SAXO1: variants seen among roughly 807,000 people sequenced by gnomAD.
SAXO1 encodes stabilizer of axonemal microtubules 1.
Under a neutral mutation model 17.5 loss-of-function variants are expected in SAXO1, and 21 were observed. The observed-to-expected ratio is 1.20, with a 90% confidence interval of 0.85 to 1.72. The LOEUF is 1.72. SAXO1 is among the 40% of genes most tolerant of loss of function. SAXO1 has a pLI of 0.00. For synonymous variants in SAXO1, 274 were observed against 216.5 expected (o/e 1.27, Z -2.33); for missense variants, 843 against 596.0 (o/e 1.41, Z -4.32).
intron 1 of SAXO1, among the ~76,000 whole-genome samples, chr9:18,962,958 C>A (rs1832549331): frequency 1.3e-5 from 2 of 152,122 alleles, no homozygotes; most frequent in South Asian, 4.1e-4. Context: ...TTTAATCCAT[C>A]TTGAGTTAAT....
intron 2 of SAXO1, among the ~76,000 whole-genome samples, chr9:18,944,072 A>G (rs7031911): frequency 0.058 from 8,770 of 152,206 alleles, 341 homozygotes; most frequent in African/African-American, 0.11. Flanking sequence ...CAGTTCACAG[A>G]CTATTCTGAA....
At chr9:18,979,726 A>C (rs920378860) in intron 1 of SAXO1, among the ~76,000 whole-genome samples, 1 of 152,248 alleles carries the variant, frequency 6.6e-6, no homozygotes, top group Admixed American at 6.5e-5. Flanking sequence ...CTATAATCCC[A>C]TCTACTAGGG....
intron 1 of SAXO1, among the ~76,000 whole-genome samples, chr9:19,017,698 T>A (rs1835043154): frequency 6.6e-6 from 1 of 152,252 alleles, no homozygotes. Context: ...GAATCCTGAA[T>A]AATATAACCA....
At chr9:18,954,102 G>T (rs531611878) in intron 1 of SAXO1, among the ~76,000 whole-genome samples, 2 of 152,060 alleles carry the variant, frequency 1.3e-5, no homozygotes, top group South Asian at 4.1e-4. Flanking sequence ...TCCATAGGCC[G>T]GGAAGGAAAA....
intron 3 of SAXO1, among the ~76,000 whole-genome samples, chr9:18,931,608 A>T (rs888684315): frequency 6.6e-6 from 1 of 152,244 alleles, no homozygotes; most frequent in African/African-American, 2.4e-5. Context: ...CAAAGTGGAG[A>T]AGTAGATGTG....
chr9:18,934,294 G>T (rs1023983293), intron 3 of SAXO1, among the ~76,000 whole-genome samples: 1 of 147,918 alleles, frequency 6.8e-6, no homozygotes, highest in African/African-American at 2.6e-5. Flanking sequence ...TCTCCTTTTG[G>T]GGCCATGATT....
chr9:19,025,908 T>C (rs1019688074), intron 1 of SAXO1, among the ~76,000 whole-genome samples: 6 of 152,270 alleles, frequency 3.9e-5, no homozygotes, highest in Admixed American at 3.9e-4. Flanking sequence ...GATACTATTT[T>C]CTCAGTTGGA....
chr9:18,956,058 A>T (rs1355796740), intron 1 of SAXO1, among the ~76,000 whole-genome samples: 1 of 150,792 alleles, frequency 6.6e-6, no homozygotes, highest in Non-Finnish European at 1.5e-5. Context: ...CTCCCACCTC[A>T]GCCTCCTAAG....
intron 1 of SAXO1, among the ~76,000 whole-genome samples, chr9:18,970,530 T>C (rs1832908935): frequency 6.6e-6 from 1 of 152,186 alleles, no homozygotes; most frequent in Non-Finnish European, 1.5e-5. Flanking sequence ...TGGATGAGTC[T>C]ATAAATAAAC....
chr9:18,956,470 G>A (rs1316347187), intron 1 of SAXO1, among the ~76,000 whole-genome samples: 3 of 152,070 alleles, frequency 2.0e-5, no homozygotes, highest in Non-Finnish European at 4.4e-5. Flanking sequence ...GCCTCCACCA[G>A]TCTTCTGGAT....
chr9:18,980,191 G>C (rs560617570), intron 1 of SAXO1, among the ~76,000 whole-genome samples: 2 of 152,164 alleles, frequency 1.3e-5, no homozygotes, highest in Non-Finnish European at 2.9e-5. Flanking sequence ...TTATTCTAGA[G>C]TCATTTTCAT....
upstream of SAXO1, among the ~76,000 whole-genome samples, chr9:19,033,450 T>C (rs1366641191): frequency 2.6e-5 from 4 of 152,230 alleles, no homozygotes; most frequent in Non-Finnish European, 4.4e-5. Context: ...GCAGAAAAGC[T>C]GAAAACTCCC....
At chr9:19,044,753 C>T (rs961986878) in intron 1 of SAXO1, among the ~76,000 whole-genome samples, 5 of 151,688 alleles carry the variant, frequency 3.3e-5, no homozygotes, top group Non-Finnish European at 2.9e-5. Context: ...GTCCCAGCTA[C>T]TTGGGAGGCT....
At position 19,004,688 on chromosome 9, in the gene SAXO1, G is replaced by A. The variant is rs572339191; in HGVS notation, c.38+28183C>T. 3.1e-3 allele frequency among the ~76,000 whole-genome samples: 474 copies of A among 152,166 alleles called. 8 individuals carry two copies. The South Asian group carries it at 0.046, about 15-fold the overall frequency. On this transcript the variant is annotated intron_variant, in intron 1 of 3. Transcript: ENST00000380534. ...CAATGAGAACACTTGGACACAGGGC[G>A]GGGAACATCACACCCTGGGGGCCTG...
At chr9:19,003,427 C>T (rs909941906) in intron 1 of SAXO1, among the ~76,000 whole-genome samples, 3 of 152,192 alleles carry the variant, frequency 2.0e-5, no homozygotes, top group Non-Finnish European at 2.9e-5. Context: ...AAAGAGCCCA[C>T]ATAGCCAAGA....
chr9:18,960,745 C>G (rs1185218627), intron 1 of SAXO1, among the ~76,000 whole-genome samples: 1 of 152,122 alleles, frequency 6.6e-6, no homozygotes, highest in Non-Finnish European at 1.5e-5. Flanking sequence ...CGGCCCCCTG[C>G]ACTCCAGCCA....
chr9:18,960,459 C>A (rs376464537), intron 1 of SAXO1, among the ~76,000 whole-genome samples: 1 of 152,170 alleles, frequency 6.6e-6, no homozygotes, highest in African/African-American at 2.4e-5. Context: ...ATCCCTCCTA[C>A]CAGGTCTTCC....
At chr9:19,034,314 A>G (rs1221876542), upstream of SAXO1, among the ~76,000 whole-genome samples, 1 of 151,966 alleles carries the variant, frequency 6.6e-6, no homozygotes, top group African/African-American at 2.4e-5. Context: ...AGGCTCTAGA[A>G]TAGAGGTCAG....
At chr9:18,953,557 C>G (rs1205461989) in intron 1 of SAXO1, among the ~76,000 whole-genome samples, 3 of 152,062 alleles carry the variant, frequency 2.0e-5, no homozygotes, top group Non-Finnish European at 1.5e-5. Flanking sequence ...TATCAAAAAC[C>G]CTTATGCAAA....
Sources: allele counts gnomAD v4.1 joint callset (sites outside exome capture counted in the v4.1 genomes callset), GRCh38; gene constraint gnomAD v4.1.1; transcripts MANE v1.5; gene names NCBI Gene and HGNC (gene_info 2026-07-23, HGNC 2026-07-21).